ANKHD1: variants seen among roughly 807,000 people sequenced by gnomAD.
ANKHD1 encodes the protein ankyrin repeat and KH domain-containing protein 1.
ANKHD1 carries 31 observed loss-of-function variants against 230.5 expected under a neutral mutation model. The ratio of observed to expected loss-of-function variants is 0.13; its 90% CI spans 0.10 to 0.18. The LOEUF is 0.18. Among genes scored for constraint, ANKHD1 ranks in the 10% least tolerant of loss-of-function variants. The pLI, the probability that ANKHD1 is intolerant of heterozygous loss-of-function variation, is 1.00. For synonymous variants in ANKHD1, 1,074 were observed against 1,117.6 expected (o/e 0.96, Z 0.78); for missense variants, 2,256 against 3,071.3 (o/e 0.73, Z 6.27).
In ANKHD1 at chr5:140,497,099, G is replaced by C. The variant is rs202147138; in HGVS notation, c.2825G>C (p.Gly942Ala). ...CAGTGTAACTTTTCCAGTGACTTAG[G>C]TTCTAATGGGACAAATTCTCTTGAA... ...SPQCNFSSDL[G>A]SNGTNSLELQ... is the part of the protein sequence containing the mutation. The change falls in exon 15 of 34, where the codon GGT becomes GCT. Residue 942 changes from glycine (G) to alanine (A), a missense_variant. Physicochemically the swap from Gly to Ala is moderately conservative, Grantham distance 60. Transcript: ENST00000360839. 122 of 1,614,144 alleles carry C rather than the reference G, an allele frequency of 7.6e-5. 1 individual carries two copies. In the East Asian group the frequency reaches 2.7e-3, roughly 35 times the overall value.
At chr5:140,521,517 T>G (rs1371357061) in intron 24 of ANKHD1, among the ~76,000 whole-genome samples, 1 of 152,198 alleles carries the variant, frequency 6.6e-6, no homozygotes, top group Non-Finnish European at 1.5e-5. Flanking sequence ...GAAAGAATCA[T>G]TTTTGTAATA....
At chr5:140,459,653 TATGTG>T (rs200186951) in intron 9 of ANKHD1, among the ~76,000 whole-genome samples, 3,291 of 152,262 alleles carry the variant, frequency 0.022, 74 homozygotes, top group Admixed American at 0.059. Flanking sequence ...TCACCACAAA[TATGTG>T]AGGTGATAAA....
At chr5:140,402,311 G>A (rs896644969) in intron 1 of ANKHD1, 38 bp downstream of exon 1, 1 of 1,433,258 alleles carries the variant, frequency 7.0e-7, no homozygotes. Context: ...CACATTGTGA[G>A]GCGTGAATTC....
chr5:140,435,840 AT>A (rs1238525117), intron 1 of ANKHD1, among the ~76,000 whole-genome samples: 1 of 151,912 alleles, frequency 6.6e-6, no homozygotes, highest in Non-Finnish European at 1.5e-5. Context: ...TGGCCTTAAT[AT>A]TGCTTTTCAT....
intron 1 of ANKHD1, among the ~76,000 whole-genome samples, chr5:140,410,136 C>G (rs528355694): frequency 1.3e-4 from 20 of 152,078 alleles, no homozygotes; most frequent in African/African-American, 4.8e-4. Flanking sequence ...CACCCTGCTC[C>G]CACATATCTT....
Position 140,485,331 on chromosome 5 carries a change from T to C in ANKHD1, c.1998+83T>C. ...CAGCACTTTAGAAAGCTGAGGCGGG[T>C]GGATCACTTGAGCCCAGGAGTTTGA... is the stretch of plus-strand genomic sequence containing the variant. On this transcript the variant is annotated intron_variant, in intron 12 of 33. Coordinates refer to ENST00000360839, the MANE Select transcript of ANKHD1 (RefSeq NM_017747.3). This position sits in a 1 kb window ranked among gnomAD's most constrained non-coding sequence, Gnocchi z 4.8. The C allele has an allele frequency of 6.7e-7, 1 of 1,489,940 alleles. No homozygotes were observed. The highest frequency in any genetic ancestry group is 9.0e-7 in the Non-Finnish European group (1 of 1,117,088). 92.3% of individuals were successfully genotyped at this position (1,489,940 alleles called of 1,614,324 possible).
At chr5:140,437,620 C>T (rs575980356) in intron 2 of ANKHD1, among the ~76,000 whole-genome samples, 2 of 152,278 alleles carry the variant, frequency 1.3e-5, no homozygotes, top group African/African-American at 4.8e-5. Context: ...GCAGGAGAAT[C>T]GCTTGAACCC....
chr5:140,476,150 T>A (rs1321643180), intron 10 of ANKHD1, among the ~76,000 whole-genome samples: 1 of 151,834 alleles, frequency 6.6e-6, no homozygotes, highest in Non-Finnish European at 1.5e-5. Flanking sequence ...CATTAGTGAA[T>A]GAGTGATAAA....
At chr5:140,445,633 T>C in intron 5 of ANKHD1, 109 bp from the exon 6 acceptor site, 2 of 1,036,088 alleles carry the variant, frequency 1.9e-6, no homozygotes, top group Non-Finnish European at 2.5e-6. Flanking sequence ...ATAATCATAA[T>C]TGTATCTGTT....
At chr5:140,437,729 T>G (rs1344456904) in intron 2 of ANKHD1, among the ~76,000 whole-genome samples, 1 of 152,090 alleles carries the variant, frequency 6.6e-6, no homozygotes, top group African/African-American at 2.4e-5. Flanking sequence ...AAATAAAATT[T>G]TGACAACTAT....
At chr5:140,412,418 A>G (rs1005058790) in intron 1 of ANKHD1, among the ~76,000 whole-genome samples, 18 of 152,316 alleles carry the variant, frequency 1.2e-4, no homozygotes, top group African/African-American at 4.3e-4. Flanking sequence ...GTGGCCTCCC[A>G]GAGGGCCAAG....
At position 140,527,419 on chromosome 5, in the gene ANKHD1, A is replaced by T. The variant is rs1432431325; in HGVS notation, c.5087+345A>T. On this transcript the variant is annotated intron_variant, in intron 27 of 33. Transcript: ENST00000360839. This position sits in a 1 kb window ranked among gnomAD's most constrained non-coding sequence, Gnocchi z 4.5. ...TTAGATTCAGAATACATGTCAGCTC[A>T]TCATTGACCTGAGGCTTTATTTTTT... is the stretch of plus-strand genomic sequence containing the variant. 4.4e-6 allele frequency: 1 copy of T among 228,046 alleles called. No homozygotes were observed. Among genetic ancestry groups the T allele is most frequent in the East Asian group, 1.2e-4 (1 of 8,120 alleles). 14.1% of individuals were successfully genotyped at this position (228,046 alleles called of 1,614,324 possible).
chr5:140,497,538 G>T lies in ANKHD1; in HGVS notation c.3004+260G>T, dbSNP rs192437561. Among the ~76,000 whole-genome samples the T allele has an allele frequency of 2.4e-4, 36 of 152,242 alleles. No homozygotes were observed. In the East Asian group the frequency reaches 6.9e-3, roughly 29 times the overall value. ...CACAATCCTTTGTTTTAAACCGTTG[G>T]TATCAAAACCACTGTGTGCTGTGAC... is the stretch of plus-strand genomic sequence containing the variant. On this transcript the variant is annotated intron_variant, in intron 15 of 33. Coordinates refer to ENST00000360839, the MANE Select transcript of ANKHD1 (RefSeq NM_017747.3).
At chr5:140,522,013 T>C (rs1393575713) in intron 24 of ANKHD1, among the ~76,000 whole-genome samples, 1 of 152,140 alleles carries the variant, frequency 6.6e-6, no homozygotes, top group Non-Finnish European at 1.5e-5. Context: ...AATTCAGTGG[T>C]GTTTAGTATA....
At chr5:140,532,806 CT>C (rs2127094911) in intron 29 of ANKHD1, 2 of 431,998 alleles carry the variant, frequency 4.6e-6, no homozygotes, top group Admixed American at 2.6e-5. Flanking sequence ...ACATCATGAT[CT>C]TTAAAAGCTA....
intron 10 of ANKHD1, among the ~76,000 whole-genome samples, chr5:140,479,835 T>C (rs1751186406): frequency 6.6e-6 from 1 of 150,420 alleles, no homozygotes; most frequent in Non-Finnish European, 1.5e-5. Flanking sequence ...AATGTATATA[T>C]GTATGTATAT....
In ANKHD1 at chr5:140,485,062, G is replaced by T. The variant is rs1258907126; in HGVS notation, c.1871-59G>T. ...TCACAAAAAATTTTTAAATGATATT[G>T]ACTATGAACTAGCTTGATGTCAACC... On this transcript the variant is annotated intron_variant, in intron 11 of 33. Coordinates refer to ENST00000360839, the MANE Select transcript of ANKHD1 (RefSeq NM_017747.3). This position sits in a 1 kb window ranked among gnomAD's most constrained non-coding sequence, Gnocchi z 4.8. 3.9e-6 allele frequency: 6 copies of T among 1,534,666 alleles called. No individual in the cohort carries two copies. The highest frequency in any genetic ancestry group is 1.2e-5 in the South Asian group (1 of 82,158).
At position 140,529,770 on chromosome 5, in the gene ANKHD1, C is replaced by T. The variant is rs141470976; in HGVS notation, c.6824C>T (p.Ser2275Phe). The T allele has an allele frequency of 6.2e-7, 1 of 1,613,982 alleles. No individual in the cohort carries two copies. Among genetic ancestry groups the T allele is most frequent in the Non-Finnish European group, 8.5e-7 (1 of 1,180,030 alleles). Residue 2275 changes from serine (S) to phenylalanine (F), a missense_variant, in exon 29 of 34, where the codon TCC becomes TTC. Physicochemically the swap from Ser to Phe is radical, Grantham distance 155 (BLOSUM62 -2). Transcript: ENST00000360839. ...NSKAPGFRPP[S>F]QRVSTSPVGL... ...AAGGCACCTGGCTTCAGACCACCTT[C>T]CCAGCGAGTTTCTACTAGTCCAGTT...
chr5:140,520,260 A>G (rs1414573764), intron 24 of ANKHD1, among the ~76,000 whole-genome samples: 1 of 152,154 alleles, frequency 6.6e-6, no homozygotes, highest in African/African-American at 2.4e-5. Flanking sequence ...AATGGCGATC[A>G]TTAAAAAGTC....
Sources: gnomAD v4.1 joint callset for allele counts (sites outside exome capture counted in the v4.1 genomes callset) on GRCh38, gnomAD v4.1.1 for gene constraint, Gnocchi (gnomAD v3.1) non-coding constraint, MANE v1.5 for transcripts, NCBI Gene and HGNC (gene_info 2026-07-23, HGNC 2026-07-21) for gene names.